The following EVA1C variants were observed in gnomAD, a reference collection of about 807,000 sequenced individuals.
EVA1C encodes eva-1 homolog C, also known as protein eva-1 homolog C.
EVA1C carries 25 observed loss-of-function variants against 45.4 expected under a neutral mutation model. That is an observed-to-expected ratio of 0.55 (90% CI 0.40 to 0.77). The LOEUF (loss-of-function observed/expected upper bound fraction) is 0.77. EVA1C is among the 30% of genes least tolerant of loss of function. The pLI, the probability that EVA1C is intolerant of heterozygous loss-of-function variation, is 0.00. For missense variants in EVA1C, 479 were observed against 554.8 expected (o/e 0.86, Z 1.37); for synonymous variants, 190 against 221.2 (o/e 0.86, Z 1.25).
upstream of EVA1C, chr21:32,412,516 A>C: frequency 4.5e-6 from 1 of 220,622 alleles, no homozygotes; most frequent in Non-Finnish European, 8.9e-6. Context: ...CGCGCCAGGG[A>C]TCGGCCTGGG....
At chr21:32,458,095 G>A (rs1263857766) in intron 3 of EVA1C, among the ~76,000 whole-genome samples, 1 of 152,164 alleles carries the variant, frequency 6.6e-6, no homozygotes. Context: ...CTTGTGCTGA[G>A]ATTGAGAGGC....
chr21:32,418,168 T>C (rs2034126158), intron 1 of EVA1C, among the ~76,000 whole-genome samples: 1 of 152,236 alleles, frequency 6.6e-6, no homozygotes, highest in Non-Finnish European at 1.5e-5. Flanking sequence ...CTGCATTTCA[T>C]GATGCCTCAG....
chr21:32,507,793 T>C (rs559535537), intron 7 of EVA1C, among the ~76,000 whole-genome samples: 50 of 151,276 alleles, frequency 3.3e-4, no homozygotes, highest in Non-Finnish European at 7.1e-4. Context: ...TCTGTGCATA[T>C]GTGTATCTCT....
At chr21:32,495,316 C>T in intron 5 of EVA1C, 146 bp downstream of exon 5, 1 of 713,184 alleles carries the variant, frequency 1.4e-6, no homozygotes, top group Non-Finnish European at 2.2e-6. Flanking sequence ...ACCCGAGAGC[C>T]CTTTTTTTCT....
At chr21:32,469,469 G>A (rs904285150) in intron 4 of EVA1C, among the ~76,000 whole-genome samples, 9 of 152,196 alleles carry the variant, frequency 5.9e-5, no homozygotes, top group Admixed American at 4.6e-4. Flanking sequence ...TGCTAAGAAG[G>A]GCTCTGCAAG....
intron 4 of EVA1C, among the ~76,000 whole-genome samples, chr21:32,476,363 C>T (rs368001705): frequency 5.3e-5 from 8 of 152,052 alleles, no homozygotes; most frequent in South Asian, 2.1e-4. Context: ...CAAGAGGGGC[C>T]GGGCGTGGTG....
At chr21:32,513,325 C>T (rs1398313584) in intron 7 of EVA1C, among the ~76,000 whole-genome samples, 4 of 148,128 alleles carry the variant, frequency 2.7e-5, no homozygotes, top group Admixed American at 1.3e-4. Context: ...TACAGGCGCC[C>T]GCCACCACAC....
chr21:32,513,068 T>C (rs1004901106), intron 7 of EVA1C, among the ~76,000 whole-genome samples: 1 of 150,278 alleles, frequency 6.7e-6, no homozygotes, highest in Non-Finnish European at 1.5e-5. Context: ...AATAATATAG[T>C]TGTTATTATT....
At chr21:32,427,529 G>A (rs1302602466) in intron 1 of EVA1C, among the ~76,000 whole-genome samples, 1 of 151,990 alleles carries the variant, frequency 6.6e-6, no homozygotes, top group Non-Finnish European at 1.5e-5. Context: ...CCTGGCCAAT[G>A]TGGTAAAACC....
chr21:32,507,117 G>C (rs1474057334), intron 7 of EVA1C, among the ~76,000 whole-genome samples: 1 of 152,230 alleles, frequency 6.6e-6, no homozygotes, highest in African/African-American at 2.4e-5. Flanking sequence ...AAGCACAGAG[G>C]TTGGCAGAAG....
chr21:32,435,659 C>G (rs1198481414), intron 1 of EVA1C, among the ~76,000 whole-genome samples: 3 of 152,272 alleles, frequency 2.0e-5, no homozygotes, highest in African/African-American at 7.2e-5. Flanking sequence ...GGCTAAATCC[C>G]TGTCTTTACA....
chr21:32,484,967 A>G (rs1378574634), intron 4 of EVA1C, among the ~76,000 whole-genome samples: 1 of 152,018 alleles, frequency 6.6e-6, no homozygotes, highest in East Asian at 1.9e-4. Flanking sequence ...CTGCACAAGC[A>G]TTGTTAATGT....
At chr21:32,497,071 C>A in intron 5 of EVA1C, 2 of 1,057,230 alleles carry the variant, frequency 1.9e-6, no homozygotes, top group Non-Finnish European at 3.0e-6. Flanking sequence ...TGTCATTGGA[C>A]AGGATGGTCT....
intron 4 of EVA1C, among the ~76,000 whole-genome samples, chr21:32,476,555 C>T (rs940581111): frequency 2.0e-5 from 3 of 152,050 alleles, no homozygotes; most frequent in East Asian, 1.9e-4. Context: ...GCCGGAGAAT[C>T]GCATGAACCT....
intron 1 of EVA1C, among the ~76,000 whole-genome samples, chr21:32,434,496 C>G (rs2034850757): frequency 6.6e-6 from 1 of 151,588 alleles, no homozygotes; most frequent in Admixed American, 6.6e-5. Context: ...GAGGCTGAGG[C>G]AGGAGAATGG....
intron 1 of EVA1C, among the ~76,000 whole-genome samples, chr21:32,443,039 T>A (rs1348950483): frequency 7.5e-5 from 1 of 13,286 alleles, no homozygotes; most frequent in Non-Finnish European, 1.6e-4. Context: ...GGAGGAAGGG[T>A]GGGGAGGGAG....
intron 1 of EVA1C, among the ~76,000 whole-genome samples, chr21:32,416,323 T>TTC (rs1568852965): frequency 1.5e-5 from 2 of 132,768 alleles, no homozygotes; most frequent in African/African-American, 2.8e-5. Flanking sequence ...TTCTTTTTCT[T>TTC]TTTTTTTTTT....
Position 32,413,005 on chromosome 21 carries a change from A to G in EVA1C, c.152A>G (p.Asp51Gly). The change falls in exon 1 of 8, where the codon GAC (aspartate) becomes GGC (glycine). Residue 51 changes from aspartate (D) to glycine (G), a missense_variant. Coordinates refer to ENST00000300255, the MANE Select transcript of EVA1C (RefSeq NM_058187.5). ...VCSKEISALT[D>G]FSGYLTKLLQ... ...TCCAAAGAGATCTCAGCGCTCACCGACTTCTCTGGTAAGAGCGCCCTCCCT... is the reference window on the plus strand; with the variant it reads ...TCCAAAGAGATCTCAGCGCTCACCGGCTTCTCTGGTAAGAGCGCCCTCCCT... The G allele has an allele frequency of 7.0e-7, 1 of 1,426,068 alleles. No homozygotes were observed. The allele number at this position is 1,426,068 out of a possible 1,614,324, so 88.3% of individuals were successfully genotyped here.
In EVA1C at chr21:32,501,434, A is replaced by C. The variant is rs763993874; in HGVS notation, c.798A>C (p.Thr266=). The part of the protein sequence containing the change: ...TYACVPKNIL[T]AIDPAIANLK... ...TTTTAGTTCCCAAGAACATACTCAC[A>C]GCGATTGATCCAGCCATTGCTAATC... Residue 266 remains threonine, a synonymous_variant, in exon 6 of 8, where the codon ACA becomes ACC. Transcript: ENST00000300255. 2 of 1,593,280 alleles carry C rather than the reference A, an allele frequency of 1.3e-6. No homozygotes were observed. Among genetic ancestry groups the C allele is most frequent in the Non-Finnish European group, 1.7e-6 (2 of 1,178,596 alleles).
Sources: allele counts gnomAD v4.1 joint callset (sites outside exome capture counted in the v4.1 genomes callset), GRCh38; gene constraint gnomAD v4.1.1; transcripts MANE v1.5; gene names NCBI Gene and HGNC (gene_info 2026-07-23, HGNC 2026-07-21).